Variants in DCP1B observed in about 807,000 individuals in gnomAD.
DCP1B encodes decapping mRNA 1B, also known as mRNA-decapping enzyme 1B.
In DCP1B, 47 loss-of-function variants were observed where a neutral mutation model predicts 60.5. The observed-to-expected ratio is 0.78, with a 90% CI of 0.61 to 0.99. The LOEUF (loss-of-function observed/expected upper bound fraction) is 0.99. Among genes scored for constraint, DCP1B ranks in the 50% least tolerant of loss-of-function variants. The probability of loss-of-function intolerance (pLI) is 0.00; values close to 1 mark genes in which losing one functional copy is unlikely to be tolerated. For synonymous variants in DCP1B, 267 were observed against 280.3 expected, an observed-to-expected ratio of 0.95 and a Z score of 0.47; for missense variants, 725 against 756.8, an observed-to-expected ratio of 0.96 and a Z score of 0.49.
chr12:1,953,060 T>C lies in DCP1B; in HGVS notation c.880A>G (p.Ile294Val), dbSNP rs1433623737. ...PPIEKQLCPA[I>V]QKLMVRSADL... is the part of the protein sequence containing the mutation. Reference sequence around the variant, plus strand: ...GCGCTCCTGACCATGAGTTTCTGAATGGCTGGACAGAGCTGCTTCTCAATG... The same window carrying C: ...GCGCTCCTGACCATGAGTTTCTGAACGGCTGGACAGAGCTGCTTCTCAATG... Residue 294 changes from isoleucine (I) to valine (V), a missense_variant, in exon 7 of 9, where the codon ATT (isoleucine) becomes GTT (valine). By Grantham distance (29) the Ile-to-Val change is conservative. Coordinates refer to ENST00000280665, the MANE Select transcript of DCP1B (RefSeq NM_152640.5). 2 of 1,614,164 alleles carry C rather than the reference T, an allele frequency of 1.2e-6. No individual in the cohort carries two copies. The highest frequency in any genetic ancestry group is 1.7e-5 in the Admixed American group (1 of 60,014).
At chr12:1,992,975 C>G in intron 3 of DCP1B, 1 of 607,774 alleles carries the variant, frequency 1.6e-6, no homozygotes, top group Middle Eastern at 4.2e-4. Context: ...CCTCACCCAG[C>G]CCTGCTCAGG....
chr12:2,001,005 C>G (rs1427462956), intron 1 of DCP1B, among the ~76,000 whole-genome samples: 2 of 150,536 alleles, frequency 1.3e-5, no homozygotes, highest in Non-Finnish European at 2.9e-5. Context: ...CCATTGCACT[C>G]CAGCCTGGGG....
In DCP1B at chr12:1,967,894, A is replaced by G. The variant is rs373593739; in HGVS notation, c.336T>C (p.Ile112=). 3.6e-5 allele frequency: 58 copies of G among 1,613,026 alleles called. No homozygotes were observed. Among genetic ancestry groups the G allele is most frequent in the Non-Finnish European group, 4.7e-5 (56 of 1,179,756 alleles). Residue 112 remains isoleucine (I), a synonymous_variant, in exon 4 of 9, where the codon ATT becomes ATC. Coordinates refer to ENST00000280665, the MANE Select transcript of DCP1B (RefSeq NM_152640.5). ...GGCATTCTTCCTTATCATAAAACCA[A>G]ATTCCATAGATGGACACTGCAAAAA... ...YRNARLSIYG[I]WFYDKEECQR... is the part of the protein sequence containing the mutation.
chr12:1,975,868 C>G lies in DCP1B; in HGVS notation c.320-7958G>C, dbSNP rs965273351. Reference sequence around the variant, plus strand: ...TCACATGAAGGTTCTCTCCGTGAGTCCCCTGGCAGTTATGATGGAGAAGTA... The same window carrying G: ...TCACATGAAGGTTCTCTCCGTGAGTGCCCTGGCAGTTATGATGGAGAAGTA... On this transcript the variant is annotated intron_variant, in intron 3 of 8. Coordinates refer to ENST00000280665, the MANE Select transcript of DCP1B (RefSeq NM_152640.5). 3.3e-5 allele frequency among the ~76,000 whole-genome samples: 5 copies of G among 152,084 alleles called. No homozygotes were observed. The East Asian group carries it at 7.7e-4, about 23-fold the overall frequency.
At chr12:1,978,852 T>C (rs551732913) in intron 3 of DCP1B, among the ~76,000 whole-genome samples, 14 of 152,238 alleles carry the variant, frequency 9.2e-5, no homozygotes, top group Non-Finnish European at 1.8e-4. Flanking sequence ...ATTCATGTTG[T>C]TGAATATATC....
rs1039725145 is a variant in DCP1B at position 1,957,136 on chromosome 12, T to A, written c.523-1576A>T. On this transcript the variant is annotated intron_variant, in intron 5 of 8. Transcript: ENST00000280665. ...TAGTTTGTAGCTCATTTTCCAGTTG[T>A]TTAATTTTGTATGCTTTTCCCGACC... 1.7e-4 allele frequency among the ~76,000 whole-genome samples: 26 copies of A among 152,212 alleles called. 1 individual carries two copies. The highest frequency in any genetic ancestry group is 5.9e-5 in the Non-Finnish European group (4 of 68,038).
chr12:1,964,450 G>A (rs903568177), intron 5 of DCP1B, among the ~76,000 whole-genome samples: 4 of 151,952 alleles, frequency 2.6e-5, no homozygotes, highest in Admixed American at 6.5e-5. Context: ...TTTTTATGTA[G>A]TTTAATTAAT....
Position 1,962,398 on chromosome 12 carries a change from T to C in DCP1B, c.522+3160A>G, listed in dbSNP as rs537075915. Among the ~76,000 whole-genome samples, 3 of 152,078 alleles carry C rather than the reference T, an allele frequency of 2.0e-5. No individual in the cohort carries two copies. Among genetic ancestry groups the C allele is most frequent in the Non-Finnish European group, 1.5e-5 (1 of 67,990 alleles). On this transcript the variant is annotated intron_variant, in intron 5 of 8. Coordinates refer to ENST00000280665, the MANE Select transcript of DCP1B (RefSeq NM_152640.5). The surrounding 1 kb of genome is among the most constrained non-coding windows in gnomAD (Gnocchi z 4.4). ...TAAGATGTCAAAACATTATAACATATAGAAGATAAAAAACAGAAACAATAC... is the reference window on the plus strand; with the variant it reads ...TAAGATGTCAAAACATTATAACATACAGAAGATAAAAAACAGAAACAATAC...
At chr12:1,968,813 G>C (rs766960615) in intron 3 of DCP1B, among the ~76,000 whole-genome samples, 1 of 152,188 alleles carries the variant, frequency 6.6e-6, no homozygotes, top group African/African-American at 2.4e-5. Context: ...TGAAAGATTA[G>C]ATATGACTAT....
chr12:1,984,778 TAAAAAAAAA>T (rs764705302), intron 3 of DCP1B, among the ~76,000 whole-genome samples: 2 of 81,346 alleles, frequency 2.5e-5, no homozygotes, highest in Non-Finnish European at 4.7e-5. Context: ...GGTCTTCTGG[TAAAAAAAAA>T]AAAAAAAAAA....
rs2154456401 is a variant in DCP1B at position 1,949,314 on chromosome 12, G to C, written c.1545C>G (p.Ile515Met). 6.2e-7 allele frequency: 1 copy of C among 1,614,032 alleles called. No homozygotes were observed. Among genetic ancestry groups the C allele is most frequent in the Middle Eastern group, 1.6e-4 (1 of 6,062 alleles). Residue 515 changes from isoleucine to methionine, a missense_variant, in exon 8 of 9, where the codon ATC (isoleucine) becomes ATG (methionine). Coordinates refer to ENST00000280665, the MANE Select transcript of DCP1B (RefSeq NM_152640.5). Reference protein sequence around the residue: ...PLFQVISPQRIPATAAPSLLM... With the variant: ...PLFQVISPQRMPATAAPSLLM... ...GCAGAGACGGAGCTGCTGTAGCAGG[G>C]ATGCGCTGAGGTGAGATGACCTGCT...
In DCP1B at chr12:1,953,285, A is replaced by C. The variant is rs2030758283; in HGVS notation, c.655T>G (p.Leu219Val). ...QQRIPQPNQT[L>V]DPEPQHLSLT... The stretch of plus-strand genomic sequence containing the variant: ...GATAAGTGTTGGGGTTCAGGGTCTA[A>C]GGTCTGGAAAAAATAAAGATATCTG... Residue 219 changes from leucine (L) to valine (V), a missense_variant, in exon 7 of 9, where the codon TTA (leucine) becomes GTA (valine). Transcript: ENST00000280665. The C allele has an allele frequency of 6.4e-7, 1 of 1,565,510 alleles. No individual in the cohort carries two copies. Among genetic ancestry groups the C allele is most frequent in the Non-Finnish European group, 8.6e-7 (1 of 1,162,962 alleles).
At chr12:1,953,558 G>T (rs1366322763) in intron 6 of DCP1B, among the ~76,000 whole-genome samples, 3 of 152,020 alleles carry the variant, frequency 2.0e-5, no homozygotes, top group Non-Finnish European at 2.9e-5. Context: ...AAGGGCCTGG[G>T]GTTTCACAGA....
chr12:1,956,975 A>G (rs1217674491), intron 5 of DCP1B, among the ~76,000 whole-genome samples: 1 of 152,162 alleles, frequency 6.6e-6, no homozygotes, highest in Non-Finnish European at 1.5e-5. Flanking sequence ...AATAAGCCTG[A>G]TAGCTTTTCC....
At chr12:1,998,339 G>A (rs2041424408) in intron 1 of DCP1B, among the ~76,000 whole-genome samples, 1 of 152,182 alleles carries the variant, frequency 6.6e-6, no homozygotes, top group Non-Finnish European at 1.5e-5. Flanking sequence ...ACTGGGTATA[G>A]AGAAAGCTGC....
Position 1,948,392 on chromosome 12 carries a change from T to C in DCP1B, c.1773+694A>G. On this transcript the variant is annotated intron_variant, in intron 8 of 8. Coordinates refer to ENST00000280665, the MANE Select transcript of DCP1B (RefSeq NM_152640.5). This position sits in a 1 kb window ranked among gnomAD's most constrained non-coding sequence, Gnocchi z 4.8. ...GGCCAGTTGCTCAGCCTCAGTTTCC[T>C]TGTCTGTAGAATGGGAAAAATAACA... Among the ~76,000 whole-genome samples, 1 of 152,226 alleles carries C rather than the reference T, an allele frequency of 6.6e-6. No homozygotes were observed. The highest frequency in any genetic ancestry group is 1.9e-4 in the East Asian group (1 of 5,196).
intron 6 of DCP1B, among the ~76,000 whole-genome samples, chr12:1,954,860 GT>G (rs2030821988): frequency 6.6e-6 from 1 of 152,166 alleles, no homozygotes; most frequent in Non-Finnish European, 1.5e-5. Context: ...TAGGGTGCTT[GT>G]TTGTTTGTTT....
chr12:1,991,781 G>A (rs1484462276), intron 3 of DCP1B: 1 of 155,518 alleles, frequency 6.4e-6, no homozygotes, highest in Non-Finnish European at 1.4e-5. Context: ...GCATTAAAGA[G>A]AGTTTGTGTT....
In DCP1B at chr12:1,961,472, CATGT is replaced by C. The variant is rs2031123537; in HGVS notation, c.522+4082_522+4085del. The C allele has an allele frequency of 2.0e-5, 3 of 152,296 alleles. No homozygotes were observed. The South Asian group carries it at 6.2e-4, about 32-fold the overall frequency. 9.4% of individuals were successfully genotyped at this position (152,296 alleles called of 1,614,324 possible). On this transcript the variant is annotated intron_variant, in intron 5 of 8. Coordinates refer to ENST00000280665, the MANE Select transcript of DCP1B (RefSeq NM_152640.5). ...GCAACTGACATTACGCATAAAACAA[CATGT>C]ATTTGATTTTTACAGAAAAGCACCT...
Sources: allele counts gnomAD v4.1 joint callset (sites outside exome capture counted in the v4.1 genomes callset), GRCh38; gene constraint gnomAD v4.1.1; non-coding constraint Gnocchi (gnomAD v3.1); transcripts MANE v1.5; gene names NCBI Gene and HGNC (gene_info 2026-07-23, HGNC 2026-07-21).